Variants in NRG3 observed in about 807,000 individuals in gnomAD.
The protein encoded by NRG3 is pro-neuregulin-3, membrane-bound isoform.
A neutral mutation model predicts 66.9 loss-of-function variants in NRG3; 31 were observed. The ratio of observed to expected loss-of-function variants is 0.46; its 90% CI spans 0.35 to 0.63. The LOEUF is 0.63. NRG3 is among the 20% of genes least tolerant of loss of function. The pLI is 0.00. For synonymous variants in NRG3, 393 were observed against 359.4 expected (o/e 1.09, Z -1.06); for missense variants, 910 against 878.9 (o/e 1.04, Z -0.45).
intron 3 of NRG3, among the ~76,000 whole-genome samples, chr10:82,751,511 A>G (rs550797): frequency 0.8 from 121,061 of 152,044 alleles, 48,361 homozygotes; most frequent in Admixed American, 0.85. Context: ...AGTGAGCAAC[A>G]GGGAATTTGT....
At chr10:82,913,026 C>T (rs944932389) in intron 4 of NRG3, among the ~76,000 whole-genome samples, 1 of 152,094 alleles carries the variant, frequency 6.6e-6, no homozygotes, top group African/African-American at 2.4e-5. Context: ...GAGATCGAGA[C>T]CATCCTGGCT....
intron 3 of NRG3, among the ~76,000 whole-genome samples, chr10:82,855,950 A>G (rs2063780930): frequency 6.6e-6 from 1 of 152,168 alleles, no homozygotes; most frequent in Non-Finnish European, 1.5e-5. Flanking sequence ...CATGAGTTGG[A>G]CCCTGTTGGA....
At chr10:81,930,052 C>G (rs1401890097) in intron 1 of NRG3, among the ~76,000 whole-genome samples, 1 of 152,150 alleles carries the variant, frequency 6.6e-6, no homozygotes, top group Non-Finnish European at 1.5e-5. Flanking sequence ...GGCCTTTCTG[C>G]TGCCTTGGAG....
At chr10:82,858,907 A>G (rs1180223484) in intron 3 of NRG3, among the ~76,000 whole-genome samples, 1 of 151,632 alleles carries the variant, frequency 6.6e-6, no homozygotes. Context: ...TTCTTGCAGC[A>G]GAGAAGCCCA....
At chr10:82,307,119 C>T (rs905906653) in intron 1 of NRG3, among the ~76,000 whole-genome samples, 5 of 151,596 alleles carry the variant, frequency 3.3e-5, no homozygotes, top group East Asian at 1.9e-4. Context: ...TGTTAATATC[C>T]GATAGGCACA....
intron 7 of NRG3, among the ~76,000 whole-genome samples, chr10:82,977,760 C>T (rs936109034): frequency 6.6e-6 from 1 of 152,098 alleles, no homozygotes; most frequent in Admixed American, 6.5e-5. Flanking sequence ...GTTACTAACA[C>T]TCAAATACCA....
intron 1 of NRG3, among the ~76,000 whole-genome samples, chr10:82,266,545 A>G (rs1368899111): frequency 1.3e-5 from 2 of 152,276 alleles, no homozygotes; most frequent in East Asian, 3.9e-4. Flanking sequence ...ATCCTAAGAG[A>G]TGCCTTCTTT....
intron 3 of NRG3, among the ~76,000 whole-genome samples, chr10:82,782,797 C>T (rs1243298637): frequency 2.6e-5 from 4 of 152,160 alleles, no homozygotes; most frequent in Non-Finnish European, 5.9e-5. Flanking sequence ...GAACTGGTAC[C>T]ATTCCTTCTG....
chr10:82,193,289 T>C (rs2074263577), intron 1 of NRG3, among the ~76,000 whole-genome samples: 2 of 152,100 alleles, frequency 1.3e-5, no homozygotes, highest in African/African-American at 4.8e-5. Flanking sequence ...ATTACAGGTG[T>C]GTGCCACCAT....
At chr10:82,191,924 G>C (rs1450427700) in intron 1 of NRG3, among the ~76,000 whole-genome samples, 1 of 152,080 alleles carries the variant, frequency 6.6e-6, no homozygotes, top group Non-Finnish European at 1.5e-5. Flanking sequence ...TGCGGTTGAG[G>C]GTTCTTGCCA....
At chr10:82,790,598 G>A (rs1442258931) in intron 3 of NRG3, among the ~76,000 whole-genome samples, 2 of 152,008 alleles carry the variant, frequency 1.3e-5, no homozygotes, top group African/African-American at 4.8e-5. Flanking sequence ...CCTCTTGGAT[G>A]TATGAATTAA....
chr10:81,888,199 A>G (rs1314392653), intron 1 of NRG3, among the ~76,000 whole-genome samples: 1 of 152,098 alleles, frequency 6.6e-6, no homozygotes, highest in Non-Finnish European at 1.5e-5. Context: ...ATCCCCTCTT[A>G]GTGAGACTTC....
At chr10:82,598,091 A>C (rs979736676) in intron 2 of NRG3, among the ~76,000 whole-genome samples, 21 of 152,170 alleles carry the variant, frequency 1.4e-4, no homozygotes, top group Non-Finnish European at 2.5e-4. Context: ...TTGTGATTAG[A>C]AATTATTTAA....
intron 2 of NRG3, among the ~76,000 whole-genome samples, chr10:82,621,814 A>G (rs1260017836): frequency 6.6e-6 from 1 of 152,198 alleles, no homozygotes; most frequent in Non-Finnish European, 1.5e-5. Flanking sequence ...TTTCACAGCT[A>G]CTTCAGTCAA....
intron 2 of NRG3, among the ~76,000 whole-genome samples, chr10:82,637,734 G>A (rs1022782634): frequency 6.6e-6 from 1 of 152,146 alleles, no homozygotes; most frequent in African/African-American, 2.4e-5. Context: ...TGACAGCTAA[G>A]TACAATGCTT....
intron 3 of NRG3, among the ~76,000 whole-genome samples, chr10:82,842,621 A>C (rs1176844102): frequency 6.6e-6 from 1 of 152,178 alleles, no homozygotes; most frequent in Non-Finnish European, 1.5e-5. Flanking sequence ...AGCATCTAGA[A>C]TAGCTCATAC....
At chr10:82,616,708 C>A (rs925007573) in intron 2 of NRG3, among the ~76,000 whole-genome samples, 2 of 152,150 alleles carry the variant, frequency 1.3e-5, no homozygotes, top group African/African-American at 4.8e-5. Flanking sequence ...TACGTAATGT[C>A]TGACATCAAG....
At chr10:82,875,569 G>A (rs1232133402) in intron 4 of NRG3, among the ~76,000 whole-genome samples, 1 of 152,124 alleles carries the variant, frequency 6.6e-6, no homozygotes, top group East Asian at 1.9e-4. Flanking sequence ...TGTTGCCAAG[G>A]CTGGTATCAA....
rs563530265 is a variant in NRG3 at position 82,858,514 on chromosome 10, C to T, written c.1028-6897C>T. Among the ~76,000 whole-genome samples the T allele has an allele frequency of 2.0e-5, 3 of 152,238 alleles. No individual in the cohort carries two copies. In the South Asian group the frequency reaches 6.2e-4, roughly 32 times the overall value. On this transcript the variant is annotated intron_variant, in intron 3 of 8. Transcript: ENST00000372141. ...TTAGAAACTACTAGAGCATGATGAG[C>T]TCAGGTGTTATGGTTAGCAAATGTG...
Sources: allele counts gnomAD v4.1 joint callset (sites outside exome capture counted in the v4.1 genomes callset), GRCh38; gene constraint gnomAD v4.1.1; transcripts MANE v1.5; gene names NCBI Gene and HGNC (gene_info 2026-07-23, HGNC 2026-07-21).